Variants in SLC12A7 observed in about 807,000 individuals in gnomAD.
SLC12A7 encodes the protein K-Cl cotransporter 4.
SLC12A7 carries 100 observed loss-of-function variants against 120.6 expected under a neutral mutation model. That is an observed-to-expected ratio of 0.83 (90% CI 0.71 to 0.98). The LOEUF is 0.98. Among genes scored for constraint, SLC12A7 ranks in the 50% least tolerant of loss-of-function variants. The probability of loss-of-function intolerance (pLI) is 0.00; values close to 1 mark genes in which losing one functional copy is unlikely to be tolerated. For missense variants in SLC12A7, 1,373 were observed against 1,548.1 expected, an observed-to-expected ratio of 0.89 and a Z score of 1.90; for synonymous variants, 760 against 678.0, an observed-to-expected ratio of 1.12 and a Z score of -1.88.
the SLC12A7 span, among the ~76,000 whole-genome samples, chr5:1,143,136 A>C: frequency 1.3e-5 from 2 of 152,190 alleles, no homozygotes. Context: ...GCAGGGTCAG[A>C]AGCCGCAGCT....
the SLC12A7 span, among the ~76,000 whole-genome samples, chr5:1,128,718 CGTGTGTGCATGTAT>C: frequency 8.5e-5 from 13 of 152,324 alleles, no homozygotes; most frequent in South Asian, 2.7e-3. Flanking sequence ...CATGTGTGCA[CGTGTGTGCATGTAT>C]GTGTGCGTGT....
At chr5:1,142,923 GC>G in the SLC12A7 span, among the ~76,000 whole-genome samples, 1 of 150,966 alleles carries the variant, frequency 6.6e-6, no homozygotes, top group Non-Finnish European at 1.5e-5. Flanking sequence ...GACTTTCCTG[GC>G]CCATTCTCCA....
At chr5:1,129,575 C>T in the SLC12A7 span, among the ~76,000 whole-genome samples, 1 of 152,100 alleles carries the variant, frequency 6.6e-6, no homozygotes, top group African/African-American at 2.4e-5. Context: ...TGGAGGGCGG[C>T]TCCAGGAGCC....
chr5:1,102,354 C>A (rs1742102845), intron 1 of SLC12A7, among the ~76,000 whole-genome samples: 1 of 152,232 alleles, frequency 6.6e-6, no homozygotes, highest in Non-Finnish European at 1.5e-5. Context: ...TCTGAGATCA[C>A]AATGCCTCCA....
the SLC12A7 span, among the ~76,000 whole-genome samples, chr5:1,140,256 T>G: frequency 6.6e-6 from 1 of 152,138 alleles, no homozygotes; most frequent in Non-Finnish European, 1.5e-5. Context: ...ATCCCCCTCC[T>G]GAGAAAGGTG....
intron 20 of SLC12A7, among the ~76,000 whole-genome samples, chr5:1,062,680 GCT>G (rs1736421911): frequency 6.7e-6 from 1 of 149,710 alleles, no homozygotes; most frequent in East Asian, 2.0e-4. Context: ...GGGCTGGGGG[GCT>G]GGGGGGCTGG....
chr5:1,137,155 T>C, the SLC12A7 span, among the ~76,000 whole-genome samples: 1 of 149,530 alleles, frequency 6.7e-6, no homozygotes. Flanking sequence ...CAGTCCCGGG[T>C]TTTCACCCCC....
chr5:1,073,863 A>G, intron 16 of SLC12A7, 62 bp from the exon 17 acceptor site: 2 of 1,325,626 alleles, frequency 1.5e-6, no homozygotes, highest in Non-Finnish European at 1.9e-6. Flanking sequence ...GCCCATCAAC[A>G]GGCAGGGCAG....
chr5:1,066,550 C>A (rs1278782334), intron 17 of SLC12A7, among the ~76,000 whole-genome samples: 2 of 152,218 alleles, frequency 1.3e-5, no homozygotes, highest in Admixed American at 6.5e-5. Context: ...AGGATACCCG[C>A]ATCCCAGCCC....
At chr5:1,124,113 G>A in the SLC12A7 span, among the ~76,000 whole-genome samples, 5 of 152,104 alleles carry the variant, frequency 3.3e-5, no homozygotes, top group African/African-American at 7.2e-5. Context: ...CATGGACCTC[G>A]CAATGCAAAA....
At chr5:1,097,558 T>C (rs974974000) in intron 1 of SLC12A7, among the ~76,000 whole-genome samples, 4 of 152,190 alleles carry the variant, frequency 2.6e-5, no homozygotes, top group East Asian at 1.9e-4. Context: ...TGCGTCTGAC[T>C]GTGCAGGGCT....
chr5:1,053,576 G>A (rs2150772838), intron 22 of SLC12A7, 94 bp from the exon 23 acceptor site: 18 of 1,465,438 alleles, frequency 1.2e-5, no homozygotes, highest in Non-Finnish European at 1.7e-5. Context: ...GCATTCACAC[G>A]TGTTGGAAAG....
chr5:1,078,708 G>GT lies in SLC12A7; in HGVS notation c.1446dup (p.Arg483ThrfsTer3). 6.2e-7 allele frequency: 1 copy of GT among 1,612,004 alleles called. No homozygotes were observed. Among genetic ancestry groups the GT allele is most frequent in the South Asian group, 1.1e-5 (1 of 91,022 alleles). ...CTGCAGGTGGAAACGTACTTATCTC[G>GT]TAAGACCACGCCTTCAATGCAGGCC... On this transcript the variant is annotated frameshift_variant, in exon 11 of 24. Transcript: ENST00000264930. LOFTEE classifies it high-confidence loss of function.
At chr5:1,116,258 C>G (rs1405570842), upstream of SLC12A7, among the ~76,000 whole-genome samples, 1 of 152,230 alleles carries the variant, frequency 6.6e-6, no homozygotes, top group Admixed American at 6.5e-5. Flanking sequence ...CCCAGGCAGG[C>G]ACCGCAAGCT....
chr5:1,128,320 C>T, the SLC12A7 span, among the ~76,000 whole-genome samples: 4 of 152,218 alleles, frequency 2.6e-5, no homozygotes, highest in Admixed American at 6.5e-5. Context: ...CGAGCTCTCA[C>T]GGAGCAGTCA....
At chr5:1,115,060 G>C (rs1454602128), upstream of SLC12A7, among the ~76,000 whole-genome samples, 4 of 152,212 alleles carry the variant, frequency 2.6e-5, no homozygotes, top group Non-Finnish European at 5.9e-5. Context: ...GAAACACATT[G>C]GTGGGTCTCA....
At chr5:1,127,410 A>G in the SLC12A7 span, among the ~76,000 whole-genome samples, 4 of 152,256 alleles carry the variant, frequency 2.6e-5, no homozygotes, top group Non-Finnish European at 4.4e-5. Flanking sequence ...ATGGGGCCAC[A>G]GACCCAGGGA....
chr5:1,136,608 C>T, the SLC12A7 span, among the ~76,000 whole-genome samples: 3 of 123,130 alleles, frequency 2.4e-5, no homozygotes, highest in East Asian at 2.6e-4. Context: ...GACACGCAGA[C>T]ACACGTGTGC....
rs546977002 is a variant in SLC12A7 at position 1,088,033 on chromosome 5, G to A, written c.544+273C>T. 1.3e-3 allele frequency among the ~76,000 whole-genome samples: 199 copies of A among 152,286 alleles called. 3 individuals carry two copies. Among genetic ancestry groups the A allele is most frequent in the African/African-American group, 4.1e-3 (169 of 41,574 alleles). On this transcript the variant is annotated intron_variant, in intron 5 of 23. Coordinates refer to ENST00000264930, the MANE Select transcript of SLC12A7 (RefSeq NM_006598.3). ...GCTACAGGAGCCACTGGAATCGCCC[G>A]TGCCTCCCCCTCCCCAGCCCGCTGC... is the stretch of plus-strand genomic sequence containing the variant.
Sources: allele counts gnomAD v4.1 joint callset (sites outside exome capture counted in the v4.1 genomes callset), GRCh38; gene constraint gnomAD v4.1.1; transcripts MANE v1.5; gene names NCBI Gene and HGNC (gene_info 2026-07-23, HGNC 2026-07-21).